Variants in STRN3 observed in about 807,000 individuals in gnomAD.
STRN3 encodes striatin-3.
Under a neutral mutation model 95.6 loss-of-function variants are expected in STRN3, and 29 were observed. The ratio of observed to expected loss-of-function variants is 0.30; its 90% CI spans 0.23 to 0.41. STRN3 has a LOEUF of 0.41. Among genes scored for constraint, STRN3 ranks in the 10% least tolerant of loss-of-function variants. STRN3 has a pLI of 1.00. For synonymous variants in STRN3, 331 were observed against 357.6 expected (o/e 0.93, Z 0.84); for missense variants, 890 against 972.1 (o/e 0.92, Z 1.12).
At chr14:31,015,130 CT>C (rs1883181357) in intron 1 of STRN3, among the ~76,000 whole-genome samples, 1 of 152,142 alleles carries the variant, frequency 6.6e-6, no homozygotes, top group Non-Finnish European at 1.5e-5. Context: ...CGCGTCCAGC[CT>C]CACACCCACT....
Position 31,026,296 on chromosome 14 carries a change from C to G in STRN3, c.-111G>C, listed in dbSNP as rs1204647044. The G allele has an allele frequency of 1.7e-6, 2 of 1,194,544 alleles. No individual in the cohort carries two copies. Among genetic ancestry groups the G allele is most frequent in the Non-Finnish European group, 1.1e-6 (1 of 923,250 alleles). 74.0% of individuals were successfully genotyped at this position (1,194,544 alleles called of 1,614,324 possible). A position where few individuals can be genotyped will look rare whatever the true frequency, so the allele number is the denominator to read the frequency against. ...GGGCGGAGGCCGGCCGGGAGAGGGG[C>G]GGGGAAGGGGTCGTTGCTGTGTGCC... On this transcript the variant is annotated 5_prime_UTR_variant, in exon 1 of 18. Transcript: ENST00000357479.
chr14:31,018,879 T>C lies in STRN3; in HGVS notation c.282+7025A>G, dbSNP rs140895101. ...GGCTCACACCTGTAATCCCAGCATT[T>C]TGGGAGGCCAGGGTGGGCAGATCAC... On this transcript the variant is annotated intron_variant, in intron 1 of 17. Transcript: ENST00000357479. The C allele has an allele frequency of 4.9e-3, 1,452 of 295,244 alleles. 24 individuals are homozygous for C. Among genetic ancestry groups the C allele is most frequent in the African/African-American group, 0.03 (1,335 of 44,070 alleles). 18.3% of individuals were successfully genotyped at this position (295,244 alleles called of 1,614,324 possible).
chr14:30,927,152 A>T (rs926002361), intron 8 of STRN3, among the ~76,000 whole-genome samples: 11 of 152,188 alleles, frequency 7.2e-5, no homozygotes, highest in African/African-American at 2.7e-4. Flanking sequence ...AAAAATTTTT[A>T]AAAATAAAAT....
In STRN3 at chr14:31,025,877, T is replaced by A. The variant is rs772195310; in HGVS notation, c.282+27A>T. On this transcript the variant is annotated intron_variant, in intron 1 of 17. Coordinates refer to ENST00000357479, the MANE Select transcript of STRN3 (RefSeq NM_001083893.2). ...CGGCCGGGAACCCAGCCGCCGCAGC[T>A]CCCGCACACCGACCCCAACGAGGTA... 4 of 1,587,914 alleles carry A rather than the reference T, an allele frequency of 2.5e-6. No homozygotes were observed. In the South Asian group the frequency reaches 4.5e-5, roughly 18 times the overall value.
rs1381297731 is a variant in STRN3 at position 30,932,660 on chromosome 14, T to C, written c.988+2503A>G. ...GTAAAAAGCTAAATATTGAGAGTTG[T>C]CTTAAAACTCTGCTCTACCATCAAA... On this transcript the variant is annotated intron_variant, in intron 7 of 17. Transcript: ENST00000357479. 3.9e-5 allele frequency among the ~76,000 whole-genome samples: 6 copies of C among 152,274 alleles called. No individual in the cohort carries two copies. The East Asian group carries it at 1.2e-3, about 29-fold the overall frequency.
Position 30,919,011 on chromosome 14 carries a change from C to A in STRN3, c.1195G>T (p.Ala399Ser). The A allele has an allele frequency of 3.1e-6, 5 of 1,605,990 alleles. No homozygotes were observed. The highest frequency in any genetic ancestry group is 4.3e-6 in the Non-Finnish European group (5 of 1,175,340). ...TCATGATCAGTCATTCTAGTAGAGG[C>A]TGACCTAGACTGATTAATGATTCCT... ...PSGIINQSRS[A>S]STRMTDHEGA... The change falls in exon 9 of 18, where the codon GCC becomes TCC. Residue 399 changes from alanine to serine, a missense_variant. Transcript: ENST00000357479.
At chr14:30,999,179 GACT>G (rs1213227835) in intron 1 of STRN3, among the ~76,000 whole-genome samples, 1 of 152,098 alleles carries the variant, frequency 6.6e-6, no homozygotes, top group African/African-American at 2.4e-5. Flanking sequence ...GAGGTGCTGG[GACT>G]ACAGGTGCAT....
chr14:30,950,363 A>G (rs923224986), intron 4 of STRN3, among the ~76,000 whole-genome samples: 2 of 152,216 alleles, frequency 1.3e-5, no homozygotes, highest in Non-Finnish European at 2.9e-5. Flanking sequence ...AATTTTCAAA[A>G]TATAAGGAAA....
chr14:30,992,279 C>T (rs1249662813), intron 1 of STRN3, among the ~76,000 whole-genome samples: 5 of 151,778 alleles, frequency 3.3e-5, no homozygotes, highest in Non-Finnish European at 5.9e-5. Flanking sequence ...GGCATGGTGG[C>T]GGGCGCCTAT....
chr14:31,009,377 C>T (rs1439473685), intron 1 of STRN3, among the ~76,000 whole-genome samples: 2 of 152,116 alleles, frequency 1.3e-5, no homozygotes, highest in Non-Finnish European at 2.9e-5. Context: ...CATCCCTGTC[C>T]ACTCTCCACT....
chr14:30,972,716 G>A (rs187738921), intron 1 of STRN3, among the ~76,000 whole-genome samples: 21 of 152,272 alleles, frequency 1.4e-4, no homozygotes, highest in Non-Finnish European at 1.6e-4. Context: ...GCTGTGGGGA[G>A]GAAAGCTTGA....
At chr14:31,023,540 A>G (rs909965954) in intron 1 of STRN3, among the ~76,000 whole-genome samples, 2 of 152,194 alleles carry the variant, frequency 1.3e-5, no homozygotes, top group Non-Finnish European at 2.9e-5. Flanking sequence ...CACGTTCTCT[A>G]TTGAAACTAT....
At chr14:31,008,939 T>C (rs1320761035) in intron 1 of STRN3, among the ~76,000 whole-genome samples, 1 of 151,734 alleles carries the variant, frequency 6.6e-6, no homozygotes, top group African/African-American at 2.4e-5. Flanking sequence ...CTCAGGAGGC[T>C]GAGGAGGAAG....
intron 3 of STRN3, among the ~76,000 whole-genome samples, chr14:30,951,620 A>C (rs944871755): frequency 6.6e-6 from 1 of 152,168 alleles, no homozygotes; most frequent in African/African-American, 2.4e-5. Context: ...CAAAATCAAC[A>C]CTGTTAAGAT....
At position 31,013,038 on chromosome 14, in the gene STRN3, T is replaced by A. The variant is rs544980717; in HGVS notation, c.282+12866A>T. Reference sequence around the variant, plus strand: ...CTTTGAGAGGCTGAGGTGGGCAGAATGCTTGAGCTCAGGAGTTCAAGACCA... The same window carrying A: ...CTTTGAGAGGCTGAGGTGGGCAGAAAGCTTGAGCTCAGGAGTTCAAGACCA... On this transcript the variant is annotated intron_variant, in intron 1 of 17. Transcript: ENST00000357479. 2.0e-5 allele frequency among the ~76,000 whole-genome samples: 3 copies of A among 152,092 alleles called. No homozygotes were observed. The South Asian group carries it at 6.2e-4, about 32-fold the overall frequency.
At chr14:30,960,868 CAAAA>C (rs56227331) in intron 1 of STRN3, among the ~76,000 whole-genome samples, 1 of 47,618 alleles carries the variant, frequency 2.1e-5, no homozygotes, top group African/African-American at 8.3e-5. Flanking sequence ...GACTCCATCT[CAAAA>C]AAAAAAAAAA....
chr14:30,951,012 C>G, intron 3 of STRN3, 68 bp from the exon 4 acceptor site: 3 of 1,359,010 alleles, frequency 2.2e-6, no homozygotes, highest in South Asian at 1.2e-5. Context: ...CCAAAGTTTT[C>G]TTAGGGATAA....
chr14:30,984,028 G>A (rs1248801990), intron 1 of STRN3, among the ~76,000 whole-genome samples: 4 of 151,638 alleles, frequency 2.6e-5, no homozygotes, highest in Non-Finnish European at 5.9e-5. Flanking sequence ...TGGGGATGGT[G>A]GCAGCAACAA....
At chr14:30,992,818 A>C (rs1272898905) in intron 1 of STRN3, among the ~76,000 whole-genome samples, 3 of 152,222 alleles carry the variant, frequency 2.0e-5, no homozygotes, top group Admixed American at 2.0e-4. Flanking sequence ...GTTCGAGAGC[A>C]GCCTGGGCAA....
Sources: gnomAD v4.1 joint callset for allele counts (sites outside exome capture counted in the v4.1 genomes callset) on GRCh38, gnomAD v4.1.1 for gene constraint, MANE v1.5 for transcripts, NCBI Gene and HGNC (gene_info 2026-07-23, HGNC 2026-07-21) for gene names.